Variants in TSHZ1 observed in about 807,000 individuals in gnomAD.
The protein encoded by TSHZ1 is teashirt zinc finger homeobox 1.
TSHZ1 carries 12 observed loss-of-function variants against 67.1 expected under a neutral mutation model. That is an observed-to-expected ratio of 0.18 (90% CI 0.11 to 0.29). The LOEUF (loss-of-function observed/expected upper bound fraction) is 0.29, where lower values mean the gene tolerates loss of function less well. Among genes scored for constraint, TSHZ1 ranks in the 10% least tolerant of loss-of-function variants. The probability of loss-of-function intolerance (pLI) is 1.00; values close to 1 mark genes in which losing one functional copy is unlikely to be tolerated. For missense variants in TSHZ1, 1,305 were observed against 1,413.9 expected (o/e 0.92, Z 1.23); for synonymous variants, 632 against 622.4 (o/e 1.02, Z -0.23).
At chr18:75,253,053 T>G (rs1439980916) in intron 1 of TSHZ1, among the ~76,000 whole-genome samples, 1 of 152,202 alleles carries the variant, frequency 6.6e-6, no homozygotes, top group Non-Finnish European at 1.5e-5. Flanking sequence ...AAAAACAACT[T>G]TGGTATATTT....
chr18:75,251,030 C>T (rs952034019), intron 1 of TSHZ1, among the ~76,000 whole-genome samples: 2 of 152,186 alleles, frequency 1.3e-5, no homozygotes, highest in African/African-American at 4.8e-5. Context: ...CCACACTCTC[C>T]TATTTTTGTA....
At chr18:75,265,703 T>C (rs956013113) in intron 1 of TSHZ1, among the ~76,000 whole-genome samples, 7 of 152,176 alleles carry the variant, frequency 4.6e-5, no homozygotes, top group African/African-American at 1.7e-4. Flanking sequence ...ATAAATCTGC[T>C]TCTCCCCCAT....
chr18:75,279,531 A>G (rs1266551074), intron 1 of TSHZ1, among the ~76,000 whole-genome samples: 1 of 152,130 alleles, frequency 6.6e-6, no homozygotes, highest in Admixed American at 6.5e-5. Context: ...GGCTGGATGG[A>G]GAACCCCCTG....
At chr18:75,272,701 A>T (rs1443792405) in intron 1 of TSHZ1, among the ~76,000 whole-genome samples, 1 of 152,250 alleles carries the variant, frequency 6.6e-6, no homozygotes, top group Admixed American at 6.5e-5. Context: ...ATATCAGGTC[A>T]TCTAGCAAGG....
rs200092409 is a variant in TSHZ1 at position 75,285,688 on chromosome 18, G to A, written c.281G>A (p.Arg94Gln). Residue 94 changes from arginine (R) to glutamine (Q), a missense_variant, in exon 2 of 2, where the codon CGA (arginine) becomes CAA (glutamine). Arg to Gln is a conservative substitution (Grantham distance 43). Around this residue, in one of 3 missense-constraint regions of TSHZ1, gnomAD observed 358 missense variants for 375.6 expected, o/e 0.95. Transcript: ENST00000580243. ...QLAHFKGSSS[R>Q]EEKEDPQCPD... ...GCCCATTTCAAAGGCTCTTCCTCTC[G>A]AGAAGAGAAGGAGGATCCGCAGTGT... 2.5e-5 allele frequency: 40 copies of A among 1,614,072 alleles called. No individual in the cohort carries two copies. The East Asian group carries it at 4.2e-4, about 17-fold the overall frequency.
chr18:75,247,135 A>G (rs971923525), intron 1 of TSHZ1, among the ~76,000 whole-genome samples: 26 of 152,208 alleles, frequency 1.7e-4, no homozygotes, highest in African/African-American at 6.3e-4. Flanking sequence ...CTGAACTGGA[A>G]GTGCCCTAGG....
intron 1 of TSHZ1, among the ~76,000 whole-genome samples, chr18:75,226,174 A>G (rs959376799): frequency 6.6e-6 from 1 of 152,238 alleles, no homozygotes; most frequent in South Asian, 2.1e-4. Context: ...TTCAAAGCAA[A>G]TAAGTCCTGA....
intron 1 of TSHZ1, among the ~76,000 whole-genome samples, chr18:75,213,881 A>G (rs199699735): frequency 6.6e-6 from 1 of 152,310 alleles, no homozygotes; most frequent in East Asian, 1.9e-4. Flanking sequence ...AGTGATGGCT[A>G]TGAAGAGTTG....
At chr18:75,241,171 G>A (rs752370007) in intron 1 of TSHZ1, among the ~76,000 whole-genome samples, 2 of 152,210 alleles carry the variant, frequency 1.3e-5, no homozygotes, top group Non-Finnish European at 2.9e-5. Flanking sequence ...AACAAAACAC[G>A]TTCCCATGGA....
Position 75,286,527 on chromosome 18 carries a change from G to A in TSHZ1, c.1120G>A (p.Val374Met), listed in dbSNP as rs768974519. ...TGAGCCAGCAGGAATGGCCGCAGAGGTGGCCCTGAGTGAGTCAGCCAAGGA... is the reference window on the plus strand; with the variant it reads ...TGAGCCAGCAGGAATGGCCGCAGAGATGGCCCTGAGTGAGTCAGCCAAGGA... ...SPEPAGMAAE[V>M]ALSESAKDQK... Residue 374 changes from valine to methionine, a missense_variant, in exon 2 of 2, where the codon GTG (valine) becomes ATG (methionine). Val to Met is a conservative substitution (Grantham distance 21). Around this residue, in one of 3 missense-constraint regions of TSHZ1, gnomAD observed 909 missense variants for 961.8 expected, o/e 0.95. Transcript: ENST00000580243. This position sits in a 1 kb window ranked among gnomAD's most constrained non-coding sequence, Gnocchi z 5.1. 6 of 1,614,218 alleles carry A rather than the reference G, an allele frequency of 3.7e-6. No individual in the cohort carries two copies. In the South Asian group the frequency reaches 4.4e-5, roughly 12 times the overall value.
Position 75,285,900 on chromosome 18 carries a change from G to A in TSHZ1, c.493G>A (p.Val165Ile), listed in dbSNP as rs373873766. Residue 165 changes from valine to isoleucine, a missense_variant, in exon 2 of 2, where the codon GTC becomes ATC. Physicochemically the swap from Val to Ile is conservative, Grantham distance 29 (BLOSUM62 3). Around this residue, in one of 3 missense-constraint regions of TSHZ1, gnomAD observed 358 missense variants for 375.6 expected, o/e 0.95. Coordinates refer to ENST00000580243, the MANE Select transcript of TSHZ1 (RefSeq NM_001308210.2). ...APTPTPPTCP[V>I]STTGPTTSTP... ...CACCCCCACACCCCCCACCTGCCCC[G>A]TCAGCACCACTGGCCCCACCACGAG... 1.8e-4 allele frequency: 77 copies of A among 417,318 alleles called. No homozygotes were observed. Among genetic ancestry groups the A allele is most frequent in the South Asian group, 1.8e-3 (49 of 27,078 alleles). 25.9% of individuals were successfully genotyped at this position (417,318 alleles called of 1,614,324 possible).
intron 1 of TSHZ1, among the ~76,000 whole-genome samples, chr18:75,265,715 T>G (rs1045062789): frequency 1.3e-5 from 2 of 152,220 alleles, no homozygotes; most frequent in Non-Finnish European, 2.9e-5. Flanking sequence ...CTCCCCCATC[T>G]CATTCCCTCT....
chr18:75,226,287 C>A (rs1341351567), intron 1 of TSHZ1, among the ~76,000 whole-genome samples: 1 of 152,164 alleles, frequency 6.6e-6, no homozygotes, highest in Non-Finnish European at 1.5e-5. Flanking sequence ...TCTTGCTCCC[C>A]ACTCACCCAA....
rs1021498528 is a variant in TSHZ1 at position 75,211,257 on chromosome 18, C to G, written c.-620C>G. Reference sequence around the variant, plus strand: ...CCCCCGGCGCATGTATGTACGGGGGCTTCACTCCTCTGTCTTGTTTGCTTT... The same window carrying G: ...CCCCCGGCGCATGTATGTACGGGGGGTTCACTCCTCTGTCTTGTTTGCTTT... On this transcript the variant is annotated 5_prime_UTR_variant, in exon 1 of 2. Coordinates refer to ENST00000580243, the MANE Select transcript of TSHZ1 (RefSeq NM_001308210.2). The G allele has an allele frequency of 2.0e-5, 3 of 152,094 alleles. No homozygotes were observed. The allele number at this position is 152,094 out of a possible 1,614,324, so 9.4% of individuals were successfully genotyped here. A position where few individuals can be genotyped will look rare whatever the true frequency, so the allele number is the denominator to read the frequency against.
intron 1 of TSHZ1, among the ~76,000 whole-genome samples, chr18:75,221,675 A>G (rs2022846974): frequency 2.0e-5 from 3 of 152,250 alleles, no homozygotes; most frequent in Admixed American, 2.0e-4. Flanking sequence ...GCATCCTATT[A>G]TTAATGCAGT....
intron 1 of TSHZ1, chr18:75,283,210 A>G (rs1317496519): frequency 6.6e-6 from 1 of 152,298 alleles, no homozygotes; most frequent in African/African-American, 2.4e-5. Context: ...CTTCAGAGTC[A>G]CCCTCTGAAT....
intron 1 of TSHZ1, among the ~76,000 whole-genome samples, chr18:75,247,697 A>G (rs2023241521): frequency 2.0e-5 from 3 of 152,188 alleles, no homozygotes; most frequent in African/African-American, 7.2e-5. Flanking sequence ...TGGTATAATT[A>G]GAAGGGAGAG....
intron 1 of TSHZ1, among the ~76,000 whole-genome samples, chr18:75,263,605 C>T (rs575973989): frequency 2.5e-4 from 38 of 152,124 alleles, no homozygotes; most frequent in African/African-American, 8.7e-4. Context: ...GTCTATGTTT[C>T]TTATTTCATC....
At chr18:75,211,998 A>C in intron 1 of TSHZ1, 82 bp downstream of exon 1, 2 of 1,083,476 alleles carry the variant, frequency 1.8e-6, no homozygotes, top group Non-Finnish European at 2.3e-6. Context: ...GAGGTGCGGG[A>C]CGTGGGCCGC....
Sources: allele counts gnomAD v4.1 joint callset (sites outside exome capture counted in the v4.1 genomes callset), GRCh38; gene constraint gnomAD v4.1.1; regional missense constraint gnomAD v4.1.1; non-coding constraint Gnocchi (gnomAD v3.1); transcripts MANE v1.5; gene names NCBI Gene and HGNC (gene_info 2026-07-23, HGNC 2026-07-21).